The following SPECC1 variants were observed in gnomAD, a reference collection of about 807,000 sequenced individuals.
SPECC1 encodes the protein sperm antigen with calponin homology and coiled-coil domains 1, also known as cytospin-B.
SPECC1 carries 62 observed loss-of-function variants against 104.1 expected under a neutral mutation model. The observed-to-expected ratio is 0.60, with a 90% CI of 0.49 to 0.74. The LOEUF (loss-of-function observed/expected upper bound fraction) is 0.74. Among genes scored for constraint, SPECC1 ranks in the 30% least tolerant of loss-of-function variants. The pLI, the probability that SPECC1 is intolerant of heterozygous loss-of-function variation, is 0.00. For missense variants in SPECC1, 1,306 were observed against 1,310.5 expected (o/e 1.00, Z 0.05); for synonymous variants, 513 against 501.6 (o/e 1.02, Z -0.30).
intron 1 of SPECC1, among the ~76,000 whole-genome samples, chr17:20,067,602 A>G (rs748116400): frequency 6.6e-6 from 1 of 152,122 alleles, no homozygotes; most frequent in African/African-American, 2.4e-5. Context: ...CACTTTCTCT[A>G]TTGAGATGCC....
intron 9 of SPECC1, among the ~76,000 whole-genome samples, chr17:20,251,691 A>T (rs1431678717): frequency 6.6e-6 from 1 of 152,084 alleles, no homozygotes; most frequent in Non-Finnish European, 1.5e-5. Flanking sequence ...ATCAACATGA[A>T]TATCAATAGA....
At chr17:20,028,234 C>T (rs946045544) in intron 1 of SPECC1, among the ~76,000 whole-genome samples, 8 of 138,876 alleles carry the variant, frequency 5.8e-5, no homozygotes, top group Admixed American at 3.0e-4. Context: ...TGCCTATAAT[C>T]GCAGCACTTT....
At chr17:20,097,726 G>A (rs912812663) in intron 2 of SPECC1, among the ~76,000 whole-genome samples, 6 of 152,194 alleles carry the variant, frequency 3.9e-5, no homozygotes, top group Admixed American at 1.3e-4. Context: ...TTAGAGCTAG[G>A]CAAGGGGCAC....
At chr17:20,076,509 A>G (rs928185443) in intron 1 of SPECC1, among the ~76,000 whole-genome samples, 2 of 152,242 alleles carry the variant, frequency 1.3e-5, no homozygotes, top group Non-Finnish European at 2.9e-5. Flanking sequence ...CTGGTTTGAC[A>G]AATATTTAAT....
At position 20,113,491 on chromosome 17, in the gene SPECC1, T is replaced by C. The variant is rs111954662; in HGVS notation, c.283+2929T>C. ...ATAGCTTTAGTGATGCCTCCTTCTT[T>C]AAATACTTGTCACAGCATATGAATA... On this transcript the variant is annotated intron_variant, in intron 3 of 14. Coordinates refer to ENST00000395527, the MANE Select transcript of SPECC1 (RefSeq NM_001243439.2). Among the ~76,000 whole-genome samples the C allele has an allele frequency of 2.8e-4, 42 of 152,312 alleles. 1 individual carries two copies. The highest frequency in any genetic ancestry group is 9.9e-4 in the African/African-American group (41 of 41,570).
chr17:20,238,099 C>T, intron 7 of SPECC1: 2 of 1,027,674 alleles, frequency 1.9e-6, no homozygotes, highest in Non-Finnish European at 2.3e-6. Context: ...ATTACCTCGT[C>T]TGAAACAAGG....
intron 3 of SPECC1, among the ~76,000 whole-genome samples, chr17:20,153,311 T>C (rs2032181225): frequency 6.6e-6 from 1 of 152,018 alleles, no homozygotes; most frequent in South Asian, 2.1e-4. Context: ...GCTAGAACAA[T>C]AGGGGTGGAG....
At chr17:20,141,363 T>C (rs956017568) in intron 3 of SPECC1, among the ~76,000 whole-genome samples, 1 of 152,210 alleles carries the variant, frequency 6.6e-6, no homozygotes, top group African/African-American at 2.4e-5. Context: ...GTATGGGCGA[T>C]GCTGTCCCCT....
chr17:20,285,799 C>T (rs2040924319), intron 12 of SPECC1, among the ~76,000 whole-genome samples: 2 of 150,594 alleles, frequency 1.3e-5, no homozygotes, highest in African/African-American at 4.9e-5. Flanking sequence ...CCCTCCCTCC[C>T]TTTCTTTCTT....
chr17:20,129,844 C>T (rs934565791), intron 3 of SPECC1, among the ~76,000 whole-genome samples: 36 of 152,140 alleles, frequency 2.4e-4, no homozygotes, highest in African/African-American at 7.7e-4. Flanking sequence ...ACCTCTGCCT[C>T]CTGGGCTCAA....
At chr17:20,309,707 C>T (rs144698797) in intron 14 of SPECC1, among the ~76,000 whole-genome samples, 7 of 152,152 alleles carry the variant, frequency 4.6e-5, no homozygotes, top group East Asian at 1.9e-4. Flanking sequence ...GCTGAATCCA[C>T]GCTGCTGCAA....
At chr17:20,236,958 G>A (rs766569548) in intron 7 of SPECC1, 2 of 1,609,320 alleles carry the variant, frequency 1.2e-6, no homozygotes, top group Non-Finnish European at 1.7e-6. Flanking sequence ...ATGAAAGGGG[G>A]AATGTGTAGA....
chr17:20,016,818 C>T (rs936593201), intron 1 of SPECC1, among the ~76,000 whole-genome samples: 1 of 152,246 alleles, frequency 6.6e-6, no homozygotes, highest in Non-Finnish European at 1.5e-5. Context: ...GGGCGCAGGG[C>T]GCGGGACTGG....
chr17:20,211,693 G>T (rs1056819844), intron 4 of SPECC1, among the ~76,000 whole-genome samples: 1 of 152,262 alleles, frequency 6.6e-6, no homozygotes, highest in African/African-American at 2.4e-5. Context: ...AAAAGGGGCA[G>T]AAGTTTGGTG....
chr17:20,290,724 C>T (rs920703323), intron 12 of SPECC1, among the ~76,000 whole-genome samples: 3 of 152,040 alleles, frequency 2.0e-5, no homozygotes, highest in Non-Finnish European at 4.4e-5. Context: ...ACCATGTTGC[C>T]CAGGCTGGTC....
rs3077216 is a variant in SPECC1, at chr17:20,199,383, GTTTTTTTTTTTT to G, written c.284-4932_284-4921del. Among the ~76,000 whole-genome samples, 8 of 62,466 alleles carry G rather than the reference GTTTTTTTTTTTT, an allele frequency of 1.3e-4. No homozygotes were observed. The East Asian group carries it at 2.7e-3, about 21-fold the overall frequency. The allele number at this position is 62,466 out of a possible 152,430, so 41.0% of individuals were successfully genotyped here. On this transcript the variant is annotated intron_variant, in intron 3 of 14. Coordinates refer to ENST00000395527, the MANE Select transcript of SPECC1 (RefSeq NM_001243439.2). Reference sequence around the variant, plus strand: ...ATTACAGGCGTGAGCCACCGTGCTGGTTTTTTTTTTTTTTTTTTTTTTTTTTTTTAAATAGAG... The same window carrying G: ...ATTACAGGCGTGAGCCACCGTGCTGGTTTTTTTTTTTTTTTTTAAATAGAG...
chr17:20,283,116 T>A (rs1028188572), intron 12 of SPECC1, among the ~76,000 whole-genome samples: 6 of 152,126 alleles, frequency 3.9e-5, no homozygotes, highest in African/African-American at 1.4e-4. Flanking sequence ...CACAGGAGAT[T>A]GAGGCTACAG....
At chr17:20,293,983 A>T (rs1274791850) in intron 12 of SPECC1, among the ~76,000 whole-genome samples, 3 of 151,928 alleles carry the variant, frequency 2.0e-5, no homozygotes, top group Non-Finnish European at 4.4e-5. Context: ...CTTAGAATTG[A>T]ATTTTTTTTG....
intron 1 of SPECC1, among the ~76,000 whole-genome samples, chr17:20,032,936 G>GCGCA (rs772875288): frequency 6.8e-6 from 1 of 147,672 alleles, no homozygotes; most frequent in African/African-American, 2.5e-5. Flanking sequence ...ACACACGCGC[G>GCGCA]CACACACACA....
Sources: allele counts gnomAD v4.1 joint callset (sites outside exome capture counted in the v4.1 genomes callset), GRCh38; gene constraint gnomAD v4.1.1; transcripts MANE v1.5; gene names NCBI Gene and HGNC (gene_info 2026-07-23, HGNC 2026-07-21).